Variants in VIPR2 observed in about 807,000 individuals in gnomAD.
VIPR2 encodes the protein vasoactive intestinal peptide receptor 2.
In VIPR2, 48 loss-of-function variants were observed where a neutral mutation model predicts 58.0. The ratio of observed to expected loss-of-function variants is 0.83; its 90% CI spans 0.66 to 1.05. The LOEUF is 1.05. VIPR2 is among the 50% of genes least tolerant of loss of function. The pLI, the probability that VIPR2 is intolerant of heterozygous loss-of-function variation, is 0.00. For missense variants in VIPR2, 534 were observed against 558.0 expected, an observed-to-expected ratio of 0.96 and a Z score of 0.43; for synonymous variants, 243 against 235.2, an observed-to-expected ratio of 1.03 and a Z score of -0.30.
chr7:159,063,471 G>A (rs1035219020), intron 4 of VIPR2, among the ~76,000 whole-genome samples: 15 of 152,058 alleles, frequency 9.9e-5, no homozygotes, highest in African/African-American at 3.1e-4. Flanking sequence ...GCGCTGGCCC[G>A]CAAGGGCCGC....
intron 4 of VIPR2, among the ~76,000 whole-genome samples, chr7:159,077,152 G>A (rs1856677024): frequency 6.6e-6 from 1 of 152,246 alleles, no homozygotes; most frequent in Admixed American, 6.5e-5. Context: ...GACTGATTTT[G>A]CAAACAGATT....
At chr7:159,133,029 T>TTGGCATACCGATTGATTTGAGACAGAA (rs1585563303) in intron 2 of VIPR2, among the ~76,000 whole-genome samples, 1 of 88,390 alleles carries the variant, frequency 1.1e-5, no homozygotes, top group African/African-American at 4.8e-5. Flanking sequence ...GACAGAATGA[T>TTGGCATACCGATTGATTTGAGACAGAA]TCCAAAAATG....
chr7:159,093,398 G>A lies in VIPR2; in HGVS notation c.357+10359C>T, dbSNP rs1024184515. Among the ~76,000 whole-genome samples the A allele has an allele frequency of 2.6e-5, 4 of 152,218 alleles. No individual in the cohort carries two copies. Among genetic ancestry groups the A allele is most frequent in the African/African-American group, 9.7e-5 (4 of 41,450 alleles). ...TTTAGTAGAAGTCAGGGCAGGCACC[G>A]CGGCTCCACGCTTACTTTCGAGGGT... On this transcript the variant is annotated intron_variant, in intron 4 of 12. Transcript: ENST00000262178. This position sits in a 1 kb window ranked among gnomAD's most constrained non-coding sequence, Gnocchi z 6.7.
At chr7:159,134,842 AG>A (rs1448009076) in intron 2 of VIPR2, among the ~76,000 whole-genome samples, 2 of 151,760 alleles carry the variant, frequency 1.3e-5, no homozygotes, top group Non-Finnish European at 2.9e-5. Context: ...TATATTTAGT[AG>A]AGACGGGGTC....
intron 2 of VIPR2, among the ~76,000 whole-genome samples, chr7:159,131,550 C>T (rs76686707): frequency 0.018 from 2,686 of 152,310 alleles, 77 homozygotes; most frequent in African/African-American, 0.059. Context: ...ACTACCTCCT[C>T]GCCCCTCTCC....
intron 2 of VIPR2, among the ~76,000 whole-genome samples, chr7:159,123,184 T>C (rs1470204476): frequency 1.4e-5 from 2 of 146,606 alleles, no homozygotes; most frequent in East Asian, 4.2e-4. Context: ...TCCCAGCTAC[T>C]AGGGAGGCTG....
Position 159,030,381 on chromosome 7 carries a change from GC to G in VIPR2, c.*234del, listed in dbSNP as rs1244914030. The G allele has an allele frequency of 4.5e-6, 2 of 445,732 alleles. No homozygotes were observed. The highest frequency in any genetic ancestry group is 7.1e-5 in the East Asian group (2 of 28,110). The allele number at this position is 445,732 out of a possible 1,614,324, so 27.6% of individuals were successfully genotyped here. On this transcript the variant is annotated 3_prime_UTR_variant, in exon 13 of 13. Transcript: ENST00000262178. ...AAAAAAAAAGTGGATCCACTATACG[GC>G]TGAAACACATTTTGCACAAGATTAT... is the stretch of plus-strand genomic sequence containing the variant.
At chr7:159,066,016 G>A (rs1259578563) in intron 4 of VIPR2, among the ~76,000 whole-genome samples, 1 of 152,234 alleles carries the variant, frequency 6.6e-6, no homozygotes, top group Non-Finnish European at 1.5e-5. Context: ...TTTCCTTTAG[G>A]GGCCTGCTCC....
Position 159,127,552 on chromosome 7 carries a change from T to C in VIPR2, c.151+14894A>G, listed in dbSNP as rs949811992. On this transcript the variant is annotated intron_variant, in intron 2 of 12. Transcript: ENST00000262178. The surrounding 1 kb of genome is among the most constrained non-coding windows in gnomAD (Gnocchi z 4.6). ...TGAGCCTGAGTCAGTCCAATACATGTGGTTGGGATCCCTGACCAGCCATCT... is the reference window on the plus strand; with the variant it reads ...TGAGCCTGAGTCAGTCCAATACATGCGGTTGGGATCCCTGACCAGCCATCT... 2.0e-4 allele frequency among the ~76,000 whole-genome samples: 31 copies of C among 152,262 alleles called. No individual in the cohort carries two copies. The highest frequency in any genetic ancestry group is 7.5e-4 in the African/African-American group (31 of 41,554).
intron 2 of VIPR2, among the ~76,000 whole-genome samples, chr7:159,133,797 G>C (rs1797086719): frequency 6.6e-6 from 1 of 152,078 alleles, no homozygotes; most frequent in African/African-American, 2.4e-5. Context: ...TAAATATTTT[G>C]TGAGAAAAAA....
intron 2 of VIPR2, among the ~76,000 whole-genome samples, chr7:159,113,996 C>G (rs7797177): frequency 0.043 from 6,491 of 152,136 alleles, 452 homozygotes; most frequent in African/African-American, 0.14. Flanking sequence ...CTTCATACAG[C>G]CTTGTAGTAT....
intron 6 of VIPR2, among the ~76,000 whole-genome samples, chr7:159,041,223 G>C (rs1282581255): frequency 6.6e-6 from 1 of 152,258 alleles, no homozygotes; most frequent in African/African-American, 2.4e-5. Flanking sequence ...GTGTGTGGGA[G>C]GCCAGGCCCT....
chr7:159,043,701 T>C (rs1290905451), intron 5 of VIPR2, among the ~76,000 whole-genome samples: 1 of 152,162 alleles, frequency 6.6e-6, no homozygotes, highest in East Asian at 1.9e-4. Flanking sequence ...CTATTGTGGG[T>C]ACTTGGTCCT....
At chr7:159,116,303 C>T in intron 2 of VIPR2, among the ~76,000 whole-genome samples, 1 of 152,234 alleles carries the variant, frequency 6.6e-6, no homozygotes, top group East Asian at 1.9e-4. Context: ...CATAGCCACA[C>T]ATAACCAGGA....
At chr7:159,038,559 A>G (rs1854118503) in intron 6 of VIPR2, among the ~76,000 whole-genome samples, 1 of 152,136 alleles carries the variant, frequency 6.6e-6, no homozygotes, top group African/African-American at 2.4e-5. Flanking sequence ...CACTCATTTG[A>G]AAAGTAAAGT....
chr7:159,058,378 C>A (rs1489676277), intron 5 of VIPR2, 103 bp downstream of exon 5: 1 of 893,252 alleles, frequency 1.1e-6, no homozygotes, highest in Non-Finnish European at 1.8e-6. Flanking sequence ...GTCTTATTGG[C>A]TTAGCACACA....
At chr7:159,083,812 G>A (rs1857034262) in intron 4 of VIPR2, among the ~76,000 whole-genome samples, 1 of 152,362 alleles carries the variant, frequency 6.6e-6, no homozygotes, top group Non-Finnish European at 1.5e-5. Context: ...TGTGAACTGT[G>A]TCCCTAACTG....
rs1408436383 is a variant in VIPR2, at chr7:159,031,533, A to G, written c.1143+295T>C. 1.0e-6 allele frequency: 1 copy of G among 985,318 alleles called. No homozygotes were observed. Among genetic ancestry groups the G allele is most frequent in the South Asian group, 4.7e-5 (1 of 21,274 alleles). 61.0% of individuals were successfully genotyped at this position (985,318 alleles called of 1,614,324 possible). On this transcript the variant is annotated intron_variant, in intron 12 of 12. Coordinates refer to ENST00000262178, the MANE Select transcript of VIPR2 (RefSeq NM_003382.5). The surrounding 1 kb of genome is among the most constrained non-coding windows in gnomAD (Gnocchi z 4.0). ...AGCGAGACGCCGACCATGGGGAAAAACAGATTCTGTCTAGACCCGGCCGGG... is the reference window on the plus strand; with the variant it reads ...AGCGAGACGCCGACCATGGGGAAAAGCAGATTCTGTCTAGACCCGGCCGGG...
rs971496965 is a variant in VIPR2 at position 159,030,797 on chromosome 7, G to C, written c.1144-8C>G. ...CTTCAGCTCGCACTGCACCTGGGAG[G>C]TGAGGGCAGCGGGAACGCCCGTGAG... On this transcript the variant is annotated splice_polypyrimidine_tract_variant and splice_region_variant and intron_variant, in intron 12 of 12. Transcript: ENST00000262178. 18 of 1,566,628 alleles carry C rather than the reference G, an allele frequency of 1.1e-5. No homozygotes were observed. The highest frequency in any genetic ancestry group is 2.4e-5 in the East Asian group (1 of 42,040).
Sources: gnomAD v4.1 joint callset for allele counts (sites outside exome capture counted in the v4.1 genomes callset) on GRCh38, gnomAD v4.1.1 for gene constraint, Gnocchi (gnomAD v3.1) non-coding constraint, MANE v1.5 for transcripts, NCBI Gene and HGNC (gene_info 2026-07-23, HGNC 2026-07-21) for gene names.